The following EPAS1 variants were observed in gnomAD, a reference collection of about 807,000 sequenced individuals.
EPAS1 encodes the protein endothelial PAS domain-containing protein 1.
In EPAS1, 23 loss-of-function variants were observed where a neutral mutation model predicts 87.9. That is an observed-to-expected ratio of 0.26 (90% CI 0.19 to 0.37). The LOEUF (loss-of-function observed/expected upper bound fraction) is 0.37, where lower values mean the gene tolerates loss of function less well. Ranked by LOEUF, EPAS1 falls within the 10% of genes least tolerant of loss-of-function variation. The pLI is 1.00. For missense variants in EPAS1, 1,138 were observed against 1,120.7 expected (o/e 1.02, Z -0.22); for synonymous variants, 508 against 444.3 (o/e 1.14, Z -1.80).
intron 1 of EPAS1, among the ~76,000 whole-genome samples, chr2:46,320,941 T>C (rs1683444127): frequency 2.0e-5 from 3 of 152,238 alleles, no homozygotes; most frequent in Admixed American, 6.5e-5. Flanking sequence ...TTCAATGGCA[T>C]TAAGTACGTT....
Position 46,375,198 on chromosome 2 carries a change from AAC to A in EPAS1, c.887-490_887-489del, listed in dbSNP as rs1491244265. The stretch of plus-strand genomic sequence containing the variant: ...CTGCTGAAAAAAAAAAACAAAAAAA[AAC>A]AAAAAAAACTGCCCTGAGGTCAGGC... On this transcript the variant is annotated intron_variant, in intron 7 of 15. Coordinates refer to ENST00000263734, the MANE Select transcript of EPAS1 (RefSeq NM_001430.5). This position sits in a 1 kb window ranked among gnomAD's most constrained non-coding sequence, Gnocchi z 4.1. Among the ~76,000 whole-genome samples the A allele has an allele frequency of 6.6e-6, 1 of 151,548 alleles. No homozygotes were observed. The highest frequency in any genetic ancestry group is 2.4e-5 in the African/African-American group (1 of 41,278).
chr2:46,298,532 C>T (rs1390491196), intron 1 of EPAS1, among the ~76,000 whole-genome samples: 2 of 152,244 alleles, frequency 1.3e-5, no homozygotes, highest in Non-Finnish European at 2.9e-5. Flanking sequence ...AACCCACTTC[C>T]TCGTGCCGCA....
At chr2:46,305,349 G>C (rs1185288929) in intron 1 of EPAS1, among the ~76,000 whole-genome samples, 1 of 152,126 alleles carries the variant, frequency 6.6e-6, no homozygotes, top group Admixed American at 6.5e-5. Context: ...CTGTTTGCTT[G>C]ACTGCCTTAG....
chr2:46,382,054 T>C lies in EPAS1; in HGVS notation c.2252T>C (p.Met751Thr). 2 of 1,613,566 alleles carry C rather than the reference T, an allele frequency of 1.2e-6. No homozygotes were observed. The highest frequency in any genetic ancestry group is 1.1e-5 in the South Asian group (1 of 91,050). The change falls in exon 14 of 16, where the codon ATG becomes ACG. Residue 751 changes from methionine to threonine, a missense_variant. This residue lies in a region of EPAS1 where 502 missense variants were observed against 427.1 expected (regional missense o/e 1.18). Transcript: ENST00000263734. ...CTCAGGGGTGGGAGCTGCCCTTTGA[T>C]GCCGGACAAGCCACTGAGCGCAAAT... The part of the protein sequence containing the change: ...KNLRGGSCPL[M>T]PDKPLSANVP...
intron 1 of EPAS1, among the ~76,000 whole-genome samples, chr2:46,344,606 G>A (rs528117100): frequency 7.5e-4 from 114 of 152,222 alleles, no homozygotes; most frequent in Non-Finnish European, 1.2e-3. Flanking sequence ...TAAAATGCAC[G>A]TGGGAGGGAC....
At chr2:46,303,894 G>C (rs1394907897) in intron 1 of EPAS1, among the ~76,000 whole-genome samples, 1 of 152,144 alleles carries the variant, frequency 6.6e-6, no homozygotes. Context: ...GAAGGTGTGT[G>C]TATTTAGTAA....
chr2:46,366,826 G>T (rs1558604696), intron 6 of EPAS1, among the ~76,000 whole-genome samples: 1 of 152,268 alleles, frequency 6.6e-6, no homozygotes. Flanking sequence ...AATGAGCGGG[G>T]AAGGCCCTTG....
intron 2 of EPAS1, among the ~76,000 whole-genome samples, chr2:46,354,655 T>C (rs1373310620): frequency 1.3e-5 from 2 of 151,870 alleles, no homozygotes; most frequent in Non-Finnish European, 2.9e-5. Flanking sequence ...AGAATGCAGT[T>C]GCCTGCTCAC....
intron 1 of EPAS1, among the ~76,000 whole-genome samples, chr2:46,301,050 T>C (rs1682985673): frequency 6.6e-6 from 1 of 152,256 alleles, no homozygotes; most frequent in Non-Finnish European, 1.5e-5. Flanking sequence ...TGATACAGAA[T>C]TGATGTAACA....
Position 46,340,879 on chromosome 2 carries a change from T to G in EPAS1, c.27-5994T>G, listed in dbSNP as rs990422946. Among the ~76,000 whole-genome samples the G allele has an allele frequency of 5.3e-5, 8 of 152,224 alleles. No homozygotes were observed. The East Asian group carries it at 5.8e-4, about 11-fold the overall frequency. ...CTGGGACCACCGGTGTGTGCCACCG[T>G]GCCCAGCTAATTTCTAACTTTTTTA... On this transcript the variant is annotated intron_variant, in intron 1 of 15. Coordinates refer to ENST00000263734, the MANE Select transcript of EPAS1 (RefSeq NM_001430.5).
At chr2:46,356,129 T>TGGGGGGGGGGGGGGGGGGGGGGG in intron 2 of EPAS1, 22 bp from the exon 3 acceptor site, 1 of 1,242,738 alleles carries the variant, frequency 8.0e-7, no homozygotes, top group Non-Finnish European at 1.1e-6. Flanking sequence ...ATGCAAGCTG[T>TGGGGGGGGGGGGGGGGGGGGGGG]CCCACCCCCC....
In EPAS1 at chr2:46,305,925, C is replaced by T. The variant is rs185548240; in HGVS notation, c.26+7988C>T. ...CTGCCCCCAGAAGCAGGGGGTACAG[C>T]CAATAGTATTCTTAGAAGTTAATCA... On this transcript the variant is annotated intron_variant, in intron 1 of 15. Transcript: ENST00000263734. Among the ~76,000 whole-genome samples, 22 of 152,208 alleles carry T rather than the reference C, an allele frequency of 1.4e-4. No individual in the cohort carries two copies. In the East Asian group the frequency reaches 1.5e-3, roughly 11 times the overall value.
At chr2:46,324,233 A>AT (rs375760459) in intron 1 of EPAS1, among the ~76,000 whole-genome samples, 1,562 of 152,076 alleles carry the variant, frequency 0.01, 27 homozygotes, top group African/African-American at 0.036. Flanking sequence ...CGCCTGGCTA[A>AT]TTTTTTTGTA....
At chr2:46,307,301 T>C (rs184255525) in intron 1 of EPAS1, among the ~76,000 whole-genome samples, 5 of 152,154 alleles carry the variant, frequency 3.3e-5, no homozygotes, top group African/African-American at 1.2e-4. Flanking sequence ...AGCAGTGTGG[T>C]GTTGCTGGAC....
chr2:46,380,646 C>G lies in EPAS1; in HGVS notation c.1974C>G (p.Arg658=), dbSNP rs1345909314. ...CAAAGTGGGCCGTCGGGGATCAGCG[C>G]ACAGAGTTCTTGGGAGCAGCGCCGT... The part of the protein sequence containing the change: ...GPTKWAVGDQ[R]TEFLGAAPLG... Residue 658 remains arginine, a synonymous_variant, in exon 12 of 16, where the codon CGC becomes CGG. Transcript: ENST00000263734. The surrounding 1 kb of genome is among the most constrained non-coding windows in gnomAD (Gnocchi z 4.4). The G allele has an allele frequency of 6.2e-6, 10 of 1,614,038 alleles. No individual in the cohort carries two copies. The highest frequency in any genetic ancestry group is 8.5e-6 in the Non-Finnish European group (10 of 1,180,018).
intron 2 of EPAS1, among the ~76,000 whole-genome samples, chr2:46,352,519 G>A (rs1868085): frequency 0.23 from 34,497 of 152,006 alleles, 4,222 homozygotes; most frequent in Admixed American, 0.31. Context: ...TTAATGGTAC[G>A]TCAGGGAAGA....
chr2:46,372,272 C>G (rs976721148), intron 7 of EPAS1, among the ~76,000 whole-genome samples: 2 of 152,180 alleles, frequency 1.3e-5, no homozygotes, highest in Non-Finnish European at 2.9e-5. Flanking sequence ...GGATTAATGA[C>G]AGTTATGACA....
At position 46,377,907 on chromosome 2, in the gene EPAS1, C is replaced by A. The variant is rs142534349; in HGVS notation, c.1263C>A (p.Phe421Leu). The A allele has an allele frequency of 1.7e-5, 27 of 1,552,582 alleles. No individual in the cohort carries two copies. Among genetic ancestry groups the A allele is most frequent in the Non-Finnish European group, 2.2e-5 (25 of 1,147,482 alleles). ...TTGTCTCCACAGGGAATCAGAACTT[C>A]GAGGAGTCCTCAGCCTATGGCAAGG... ...IISLDFGNQN[F>L]EESSAYGKAI... Residue 421 changes from phenylalanine (F) to leucine (L), a missense_variant, in exon 10 of 16, where the codon TTC (phenylalanine) becomes TTA (leucine). Around this residue, in one of 4 missense-constraint regions of EPAS1, gnomAD observed 284 missense variants for 258.4 expected, o/e 1.10. Coordinates refer to ENST00000263734, the MANE Select transcript of EPAS1 (RefSeq NM_001430.5).
chr2:46,367,504 C>T (rs1222159345), intron 6 of EPAS1, among the ~76,000 whole-genome samples: 1 of 152,242 alleles, frequency 6.6e-6, no homozygotes, highest in Non-Finnish European at 1.5e-5. Context: ...ATCGTAGGAC[C>T]AGCACTGTTC....
Sources: allele counts gnomAD v4.1 joint callset (sites outside exome capture counted in the v4.1 genomes callset), GRCh38; gene constraint gnomAD v4.1.1; regional missense constraint gnomAD v4.1.1; non-coding constraint Gnocchi (gnomAD v3.1); transcripts MANE v1.5; gene names NCBI Gene and HGNC (gene_info 2026-07-23, HGNC 2026-07-21).